Variants in FSHR observed in about 807,000 individuals in gnomAD.
The protein encoded by FSHR is follicle-stimulating hormone receptor.
Under a neutral mutation model 52.1 loss-of-function variants are expected in FSHR, and 46 were observed. The ratio of observed to expected loss-of-function variants is 0.88; its 90% CI spans 0.70 to 1.13. The LOEUF (loss-of-function observed/expected upper bound fraction) is 1.13, where lower values mean the gene tolerates loss of function less well. Among genes scored for constraint, FSHR ranks in the 50% most tolerant of loss-of-function variants. The pLI, the probability that FSHR is intolerant of heterozygous loss-of-function variation, is 0.00. For missense variants in FSHR, 964 were observed against 834.6 expected (o/e 1.16, Z -1.91); for synonymous variants, 399 against 309.6 (o/e 1.29, Z -3.03).
chr2:49,061,753 T>TAG lies in FSHR; in HGVS notation c.224+6465_224+6466insCT, dbSNP rs200761493. Among the ~76,000 whole-genome samples, 15 of 124,700 alleles carry TAG rather than the reference T, an allele frequency of 1.2e-4. No individual in the cohort carries two copies. In the Admixed American group the frequency reaches 1.3e-3, roughly 11 times the overall value. The allele number at this position is 124,700 out of a possible 152,430, so 81.8% of individuals were successfully genotyped here. A position where few individuals can be genotyped will look rare whatever the true frequency, so the allele number is the denominator to read the frequency against. ...ATATATAGCTATTTATATATAACTA[T>TAG]TTATATATAACTATATATAACTCTA... On this transcript the variant is annotated intron_variant, in intron 2 of 9. Transcript: ENST00000406846.
chr2:49,068,639 C>A (rs1306321832), intron 1 of FSHR, among the ~76,000 whole-genome samples: 2 of 152,050 alleles, frequency 1.3e-5, no homozygotes, highest in African/African-American at 4.8e-5. Flanking sequence ...TCTACTCCAA[C>A]CCCCATTACC....
intron 1 of FSHR, among the ~76,000 whole-genome samples, chr2:49,090,353 A>G (rs904988256): frequency 2.6e-5 from 4 of 152,196 alleles, no homozygotes; most frequent in African/African-American, 9.6e-5. Flanking sequence ...CTAAAATGTC[A>G]TATAAATGCT....
At chr2:49,035,668 C>G (rs1431672498) in intron 2 of FSHR, among the ~76,000 whole-genome samples, 1 of 152,158 alleles carries the variant, frequency 6.6e-6, no homozygotes, top group East Asian at 1.9e-4. Context: ...GAGAAGGGAC[C>G]TAAGAGATTA....
intron 1 of FSHR, among the ~76,000 whole-genome samples, chr2:49,089,780 G>A (rs1392406093): frequency 6.6e-6 from 1 of 152,140 alleles, no homozygotes; most frequent in African/African-American, 2.4e-5. Flanking sequence ...AAATATTCCT[G>A]TTAAAAGGGG....
At chr2:49,137,305 CTT>C (rs1191915472) in intron 1 of FSHR, among the ~76,000 whole-genome samples, 7 of 151,878 alleles carry the variant, frequency 4.6e-5, no homozygotes, top group Non-Finnish European at 8.8e-5. Flanking sequence ...GAGTACAAAA[CTT>C]ATGTCTTGAA....
At chr2:48,973,849 C>A (rs1674857395) in intron 8 of FSHR, among the ~76,000 whole-genome samples, 3 of 152,278 alleles carry the variant, frequency 2.0e-5, no homozygotes, top group Admixed American at 1.3e-4. Context: ...AATATTGCAC[C>A]TTGTGTTATG....
chr2:48,970,325 G>A (rs77847873), intron 8 of FSHR, among the ~76,000 whole-genome samples: 1 of 151,966 alleles, frequency 6.6e-6, no homozygotes, highest in Non-Finnish European at 1.5e-5. Context: ...CAATTCAGTT[G>A]AGTTTCTCTT....
At chr2:49,016,296 GT>G (rs1303467926) in intron 4 of FSHR, among the ~76,000 whole-genome samples, 2 of 152,154 alleles carry the variant, frequency 1.3e-5, no homozygotes. Context: ...CCTATGCCTT[GT>G]GTTGTGACTT....
chr2:49,073,180 T>C (rs909780098), intron 1 of FSHR, among the ~76,000 whole-genome samples: 2 of 152,074 alleles, frequency 1.3e-5, no homozygotes, highest in Non-Finnish European at 2.9e-5. Flanking sequence ...ACCACTTTTA[T>C]TCATAATTAT....
At chr2:48,976,507 A>G (rs1258792857) in intron 8 of FSHR, among the ~76,000 whole-genome samples, 1 of 152,226 alleles carries the variant, frequency 6.6e-6, no homozygotes. Flanking sequence ...AAAATGAGTT[A>G]GAGAGGAGTC....
chr2:49,011,037 G>T (rs1203248101), intron 4 of FSHR, among the ~76,000 whole-genome samples: 1 of 150,764 alleles, frequency 6.6e-6, no homozygotes, highest in Non-Finnish European at 1.5e-5. Context: ...CTTCAGTTCT[G>T]CTCTGATTTT....
At chr2:48,994,932 CT>C (rs1422398803) in intron 4 of FSHR, among the ~76,000 whole-genome samples, 4 of 152,116 alleles carry the variant, frequency 2.6e-5, no homozygotes, top group African/African-American at 9.7e-5. Context: ...TGAAAGTGAG[CT>C]TCTCTCCAAT....
At chr2:49,089,707 A>C (rs989190816) in intron 1 of FSHR, among the ~76,000 whole-genome samples, 2 of 152,196 alleles carry the variant, frequency 1.3e-5, no homozygotes, top group African/African-American at 4.8e-5. Context: ...TACTCTAAGA[A>C]TGAGATATGT....
chr2:49,120,718 C>T (rs182633842), intron 1 of FSHR, among the ~76,000 whole-genome samples: 14 of 152,190 alleles, frequency 9.2e-5, no homozygotes, highest in African/African-American at 3.1e-4. Context: ...TACAACCTCT[C>T]TGGCCTCACT....
chr2:49,095,999 T>C (rs1308459389), intron 1 of FSHR, among the ~76,000 whole-genome samples: 1 of 152,186 alleles, frequency 6.6e-6, no homozygotes, highest in Non-Finnish European at 1.5e-5. Flanking sequence ...TAAATTGGAA[T>C]GCTCTCACAT....
In FSHR at chr2:48,963,717, CA is replaced by C; in HGVS notation, c.1103del (p.Leu368ArgfsTer15). 1.2e-6 allele frequency: 2 copies of C among 1,614,176 alleles called. No homozygotes were observed. Among genetic ancestry groups the C allele is most frequent in the Non-Finnish European group, 1.7e-6 (2 of 1,180,016 alleles). ...TGGCCAGGATGCTGATAAACCATAT[CA>C]GGACTCTGAGGATGTTGTACCCCAT... ...DIMGYNILRV[L>X]IWFISILAIT... On this transcript the variant is annotated frameshift_variant, in exon 10 of 10. Coordinates refer to ENST00000406846, the MANE Select transcript of FSHR (RefSeq NM_000145.4). LOFTEE classifies it high-confidence loss of function.
intron 1 of FSHR, among the ~76,000 whole-genome samples, chr2:49,121,771 G>A (rs1370316052): frequency 6.6e-6 from 1 of 151,060 alleles, no homozygotes; most frequent in Admixed American, 6.6e-5. Flanking sequence ...CAAAGTCCCT[G>A]AGTCTTTCAT....
intron 8 of FSHR, among the ~76,000 whole-genome samples, chr2:48,977,693 T>A (rs1331355223): frequency 3.9e-5 from 6 of 152,212 alleles, no homozygotes; most frequent in Non-Finnish European, 8.8e-5. Context: ...GCCAGATGCA[T>A]TACAGTAGGT....
intron 4 of FSHR, among the ~76,000 whole-genome samples, chr2:49,008,797 A>C (rs1285759005): frequency 6.9e-6 from 1 of 144,606 alleles, no homozygotes; most frequent in African/African-American, 2.6e-5. Flanking sequence ...GCATTTTTTC[A>C]TGTGTTTTTT....
Sources: allele counts gnomAD v4.1 joint callset (sites outside exome capture counted in the v4.1 genomes callset), GRCh38; gene constraint gnomAD v4.1.1; transcripts MANE v1.5; gene names NCBI Gene and HGNC (gene_info 2026-07-23, HGNC 2026-07-21).